EFNA5: variants seen among roughly 807,000 people sequenced by gnomAD.
EFNA5 encodes the protein ephrin A5.
Under a neutral mutation model 22.9 loss-of-function variants are expected in EFNA5, and 5 were observed. The observed-to-expected ratio is 0.22, with a 90% CI of 0.11 to 0.46. EFNA5 has a LOEUF of 0.46. Ranked by LOEUF, EFNA5 falls within the 20% of genes least tolerant of loss-of-function variation. The pLI is 0.99. For missense variants in EFNA5, 237 were observed against 293.3 expected (o/e 0.81, Z 1.40); for synonymous variants, 113 against 112.2 (o/e 1.01, Z -0.04).
At chr5:107,639,053 G>A (rs925068917) in intron 1 of EFNA5, among the ~76,000 whole-genome samples, 2 of 152,186 alleles carry the variant, frequency 1.3e-5, no homozygotes, top group Non-Finnish European at 2.9e-5. Flanking sequence ...CACTCAGGTA[G>A]TAAAAATTCA....
intron 1 of EFNA5, among the ~76,000 whole-genome samples, chr5:107,643,731 T>C (rs1047879971): frequency 6.6e-6 from 1 of 152,018 alleles, no homozygotes. Flanking sequence ...GAGAAGAATT[T>C]AGACAAGGGC....
At chr5:107,460,507 G>A (rs887299504) in intron 1 of EFNA5, among the ~76,000 whole-genome samples, 1 of 152,132 alleles carries the variant, frequency 6.6e-6, no homozygotes, top group Non-Finnish European at 1.5e-5. Context: ...GCATATCAGT[G>A]TAGCTGATTT....
At chr5:107,492,769 C>T (rs746598981) in intron 1 of EFNA5, among the ~76,000 whole-genome samples, 14 of 152,264 alleles carry the variant, frequency 9.2e-5, no homozygotes, top group Admixed American at 5.2e-4. Flanking sequence ...GAGGCCGAGG[C>T]GGGCGGATCA....
At chr5:107,399,052 G>A (rs1309735493) in intron 2 of EFNA5, among the ~76,000 whole-genome samples, 1 of 152,116 alleles carries the variant, frequency 6.6e-6, no homozygotes, top group Non-Finnish European at 1.5e-5. Context: ...CTTGTAGAAT[G>A]ATCTTGGGAA....
At chr5:107,535,427 T>C (rs892574783) in intron 1 of EFNA5, among the ~76,000 whole-genome samples, 1 of 152,116 alleles carries the variant, frequency 6.6e-6, no homozygotes, top group Non-Finnish European at 1.5e-5. Flanking sequence ...TTACTAAGAC[T>C]ATGATGATCT....
chr5:107,638,022 A>ATTT (rs548601580), intron 1 of EFNA5, among the ~76,000 whole-genome samples: 3 of 144,432 alleles, frequency 2.1e-5, no homozygotes, highest in Non-Finnish European at 3.0e-5. Context: ...AATTTTTTGT[A>ATTT]TTTTTTTTTT....
At chr5:107,583,446 A>T (rs1292703217) in intron 1 of EFNA5, among the ~76,000 whole-genome samples, 1 of 152,230 alleles carries the variant, frequency 6.6e-6, no homozygotes, top group African/African-American at 2.4e-5. Flanking sequence ...AGCGTCGGCA[A>T]GGCAACAGAA....
chr5:107,476,058 T>TATATATATATATATATATATATA lies in EFNA5; in HGVS notation c.126-48550_126-48549insTATATATATATATATATATATAT. ...GAGAGTTTTTAAACTATATATATAT[T>TATATATATATATATATATATATA]TTTTTTTTTTGAGACAGAGTCTTGC... On this transcript the variant is annotated intron_variant, in intron 1 of 4. Transcript: ENST00000333274. 7.3e-5 allele frequency among the ~76,000 whole-genome samples: 3 copies of TATATATATATATATATATATATA among 41,078 alleles called. 1 individual carries two copies. Among genetic ancestry groups the TATATATATATATATATATATATA allele is most frequent in the African/African-American group, 5.8e-4 (3 of 5,186 alleles). 26.9% of individuals were successfully genotyped at this position (41,078 alleles called of 152,430 possible).
At chr5:107,580,390 G>C (rs1749016880) in intron 1 of EFNA5, among the ~76,000 whole-genome samples, 1 of 152,026 alleles carries the variant, frequency 6.6e-6, no homozygotes, top group South Asian at 2.1e-4. Context: ...ATGATCATCT[G>C]AAATTATGAT....
chr5:107,655,011 TG>T (rs1307210230), intron 1 of EFNA5, among the ~76,000 whole-genome samples: 3 of 132,270 alleles, frequency 2.3e-5, no homozygotes, highest in Non-Finnish European at 5.2e-5. Context: ...CATGCGCTCA[TG>T]GAAAAAAAAA....
chr5:107,568,022 AAGT>A (rs1268406878), intron 1 of EFNA5, among the ~76,000 whole-genome samples: 1 of 152,124 alleles, frequency 6.6e-6, no homozygotes, highest in Non-Finnish European at 1.5e-5. Flanking sequence ...TCAGCTTCCC[AAGT>A]AGCTGGGACT....
chr5:107,641,021 TAGAC>T (rs1554070907), intron 1 of EFNA5, among the ~76,000 whole-genome samples: 3,580 of 111,822 alleles, frequency 0.032, 146 homozygotes, highest in African/African-American at 0.1. Flanking sequence ...GATAGATAGA[TAGAC>T]AGACAGACAG....
At chr5:107,651,413 T>C (rs1003892041) in intron 1 of EFNA5, among the ~76,000 whole-genome samples, 1 of 151,984 alleles carries the variant, frequency 6.6e-6, no homozygotes, top group Non-Finnish European at 1.5e-5. Flanking sequence ...CAAAAATGAA[T>C]CTCTTCCACA....
intron 1 of EFNA5, among the ~76,000 whole-genome samples, chr5:107,653,023 A>C (rs959485813): frequency 6.6e-6 from 1 of 152,072 alleles, no homozygotes; most frequent in African/African-American, 2.4e-5. Context: ...AGGAGACCCA[A>C]GAGAGTGTGT....
intron 1 of EFNA5, among the ~76,000 whole-genome samples, chr5:107,459,482 T>C (rs764913922): frequency 6.6e-6 from 1 of 151,978 alleles, no homozygotes; most frequent in African/African-American, 2.4e-5. Context: ...TTATCCTATG[T>C]TCATGTTTTA....
intron 1 of EFNA5, among the ~76,000 whole-genome samples, chr5:107,568,231 C>T (rs1414432870): frequency 2.0e-5 from 3 of 152,142 alleles, no homozygotes; most frequent in Non-Finnish European, 4.4e-5. Context: ...ACATATACCC[C>T]TCTGCATATA....
intron 1 of EFNA5, among the ~76,000 whole-genome samples, chr5:107,510,450 G>C (rs917249840): frequency 6.6e-6 from 1 of 152,186 alleles, no homozygotes; most frequent in Non-Finnish European, 1.5e-5. Flanking sequence ...TGCCTATGGA[G>C]TAGCCATTCT....
At chr5:107,660,117 C>T (rs1366041209) in intron 1 of EFNA5, among the ~76,000 whole-genome samples, 5 of 151,152 alleles carry the variant, frequency 3.3e-5, no homozygotes, top group Admixed American at 6.6e-5. Flanking sequence ...CCCTTGATAG[C>T]TATAGTTCCA....
chr5:107,592,076 AAATT>A lies in EFNA5; in HGVS notation c.125+78409_125+78412del, dbSNP rs1288236221. 9.3e-4 allele frequency among the ~76,000 whole-genome samples: 64 copies of A among 68,888 alleles called. 5 individuals are homozygous for A. Among genetic ancestry groups the A allele is most frequent in the African/African-American group, 7.7e-3 (63 of 8,220 alleles). The allele number at this position is 68,888 out of a possible 152,430, so 45.2% of individuals were successfully genotyped here. On this transcript the variant is annotated intron_variant, in intron 1 of 4. Coordinates refer to ENST00000333274, the MANE Select transcript of EFNA5 (RefSeq NM_001962.3). ...TTAAACATATATTTATAATAATAATAAATTATTAATTTTTAATAAAAATATATTT... is the reference window on the plus strand; with the variant it reads ...TTAAACATATATTTATAATAATAATAATTAATTTTTAATAAAAATATATTT...
Sources: gnomAD v4.1 joint callset for allele counts (sites outside exome capture counted in the v4.1 genomes callset) on GRCh38, gnomAD v4.1.1 for gene constraint, MANE v1.5 for transcripts, NCBI Gene and HGNC (gene_info 2026-07-23, HGNC 2026-07-21) for gene names.